The following GLB1L3 variants were observed in gnomAD, a reference collection of about 807,000 sequenced individuals.
GLB1L3 encodes the protein galactosidase beta 1 like 3, also known as beta-galactosidase-1-like protein 3.
A neutral mutation model predicts 89.5 loss-of-function variants in GLB1L3; 89 were observed. That is an observed-to-expected ratio of 0.99 (90% CI 0.84 to 1.19). GLB1L3 has a LOEUF of 1.19. Ranked by LOEUF, GLB1L3 falls within the 50% of genes most tolerant of loss-of-function variation. The probability of loss-of-function intolerance (pLI) is 0.00; values close to 1 mark genes in which losing one functional copy is unlikely to be tolerated. For missense variants in GLB1L3, 812 were observed against 813.3 expected, an observed-to-expected ratio of 1.00 and a Z score of 0.02; for synonymous variants, 314 against 312.3, an observed-to-expected ratio of 1.01 and a Z score of -0.06.
intron 9 of GLB1L3, among the ~76,000 whole-genome samples, chr11:134,296,704 AG>A (rs1008208881): frequency 2.7e-5 from 2 of 73,868 alleles, no homozygotes; most frequent in African/African-American, 1.1e-4. Context: ...GGGTGGGGGG[AG>A]GGGGGAGGGA....
chr11:134,310,121 G>T (rs1591584984), intron 11 of GLB1L3: 3 of 396,392 alleles, frequency 7.6e-6, no homozygotes, highest in South Asian at 6.7e-5. Flanking sequence ...CGTTGAAGGG[G>T]TGTCCACTCT....
intron 2 of GLB1L3, 47 bp downstream of exon 2, chr11:134,277,498 C>A: frequency 6.2e-7 from 1 of 1,600,182 alleles, no homozygotes; most frequent in South Asian, 1.1e-5. Flanking sequence ...AGCGATCTCT[C>A]CTTTCTTGGA....
Position 134,276,752 on chromosome 11 carries a change from GC to G in GLB1L3, c.16del (p.Leu6SerfsTer51). The G allele has an allele frequency of 6.9e-7, 1 of 1,449,312 alleles. No homozygotes were observed. The highest frequency in any genetic ancestry group is 2.5e-5 in the Admixed American group (1 of 40,514). The allele number at this position is 1,449,312 out of a possible 1,614,324, so 89.8% of individuals were successfully genotyped here. A position where few individuals can be genotyped will look rare whatever the true frequency, so the allele number is the denominator to read the frequency against. On this transcript the variant is annotated frameshift_variant, in exon 1 of 20. Coordinates refer to ENST00000431683, the MANE Select transcript of GLB1L3 (RefSeq NM_001080407.3). LOFTEE classifies it high-confidence loss of function. ...TCGGCCTGGCCGCGATGAAGTCCCCGCCCCTCCTCAGGTGACGGATCGCCGC... is the reference window on the plus strand; with the variant it reads ...TCGGCCTGGCCGCGATGAAGTCCCCGCCCTCCTCAGGTGACGGATCGCCGC... MKSP[P>X]LLSPCLSWKR...
At chr11:134,281,295 T>G in intron 3 of GLB1L3, 82 bp from the exon 4 acceptor site, 1 of 1,510,360 alleles carries the variant, frequency 6.6e-7, no homozygotes, top group Non-Finnish European at 9.2e-7. Flanking sequence ...TGCATGGTTT[T>G]GGCTTGGATT....
chr11:134,320,258 G>T (rs1943148698), downstream of GLB1L3, among the ~76,000 whole-genome samples: 1 of 152,138 alleles, frequency 6.6e-6, no homozygotes. Context: ...TTGGAATGAA[G>T]ATAAAGATGT....
At chr11:134,313,728 G>C (rs1020941115) in intron 16 of GLB1L3, among the ~76,000 whole-genome samples, 10 of 152,236 alleles carry the variant, frequency 6.6e-5, no homozygotes, top group African/African-American at 2.4e-4. Context: ...GGAATTTCAG[G>C]AAAAGTTCCA....
chr11:134,298,944 G>A (rs888490213), intron 9 of GLB1L3, among the ~76,000 whole-genome samples: 7 of 152,104 alleles, frequency 4.6e-5, no homozygotes, highest in African/African-American at 9.7e-5. Context: ...CAAATCGCAC[G>A]TACATTAGAC....
chr11:134,304,843 C>A (rs959373356), intron 9 of GLB1L3, among the ~76,000 whole-genome samples: 3 of 152,046 alleles, frequency 2.0e-5, no homozygotes, highest in Non-Finnish European at 4.4e-5. Context: ...CCTCTAATTT[C>A]TTTCCCTGTT....
intron 18 of GLB1L3, 119 bp downstream of exon 18, chr11:134,314,560 T>C: frequency 1.4e-6 from 1 of 711,282 alleles, no homozygotes; most frequent in Admixed American, 2.3e-5. Flanking sequence ...CTCTTCTTCC[T>C]CATCTCCAAC....
At chr11:134,315,337 G>A (rs1942934956) in intron 18 of GLB1L3, among the ~76,000 whole-genome samples, 2 of 152,242 alleles carry the variant, frequency 1.3e-5, no homozygotes, top group South Asian at 4.1e-4. Context: ...TCAGGTTTTG[G>A]TGCCAATGTT....
intron 2 of GLB1L3, 39 bp downstream of exon 2, chr11:134,277,490 C>A (rs748715795): frequency 1.9e-6 from 3 of 1,601,124 alleles, no homozygotes; most frequent in Non-Finnish European, 1.7e-6. Context: ...GGGAGGGGAG[C>A]GATCTCTCCT....
Position 134,281,392 on chromosome 11 carries a change from C to A in GLB1L3, c.378C>A (p.Asn126Lys), listed in dbSNP as rs532518715. ...CCTCTTCTAGCTATGTTCCGTGGAA[C>A]CTGCATGAGCCAGAAAGAGGCAAAT... Reference protein sequence around the residue: ...FNTVTTYVPWNLHEPERGKFD... With the variant: ...FNTVTTYVPWKLHEPERGKFD... Residue 126 changes from asparagine (N) to lysine (K), a missense_variant, in exon 4 of 20, where the codon AAC (asparagine) becomes AAA (lysine). Physicochemically the swap from Asn to Lys is moderately conservative, Grantham distance 94. This residue lies in a region of GLB1L3 where 191 missense variants were observed against 191.4 expected (regional missense o/e 1.00). Coordinates refer to ENST00000431683, the MANE Select transcript of GLB1L3 (RefSeq NM_001080407.3). 2.0e-4 allele frequency: 317 copies of A among 1,614,164 alleles called. 2 individuals carry two copies. In the South Asian group the frequency reaches 2.9e-3, roughly 15 times the overall value.
chr11:134,325,269 G>A, the GLB1L3 span, among the ~76,000 whole-genome samples: 4 of 152,114 alleles, frequency 2.6e-5, no homozygotes, highest in Non-Finnish European at 5.9e-5. Flanking sequence ...TGCAGCATCC[G>A]TGGGGGACCA....
chr11:134,308,422 TCACCATCACCACCACCACCACCATCAC>T (rs1565413664), intron 10 of GLB1L3, among the ~76,000 whole-genome samples: 11 of 36,482 alleles, frequency 3.0e-4, no homozygotes, highest in African/African-American at 4.1e-4. Flanking sequence ...ACCACCATCA[TCACCATCACCACCACCACCACCATCAC>T]CACCACCACC....
chr11:134,308,199 C>CCAT (rs1942318184), intron 10 of GLB1L3, among the ~76,000 whole-genome samples: 1 of 55,966 alleles, frequency 1.8e-5, no homozygotes, highest in African/African-American at 1.0e-4. Flanking sequence ...ATCACCATCA[C>CCAT]CACTACCACC....
chr11:134,299,589 T>G (rs990733615), intron 9 of GLB1L3, among the ~76,000 whole-genome samples: 1 of 152,206 alleles, frequency 6.6e-6, no homozygotes, highest in Non-Finnish European at 1.5e-5. Context: ...TGGCAGAGGT[T>G]GTTTTCTCTG....
In GLB1L3 at chr11:134,314,446, G is replaced by A. The variant is rs1192037531; in HGVS notation, c.1779+5G>A. 1 of 1,526,726 alleles carries A rather than the reference G, an allele frequency of 6.5e-7. No individual in the cohort carries two copies. Among genetic ancestry groups the A allele is most frequent in the Non-Finnish European group, 8.9e-7 (1 of 1,124,400 alleles). The allele number at this position is 1,526,726 out of a possible 1,614,324, so 94.6% of individuals were successfully genotyped here. A position where few individuals can be genotyped will look rare whatever the true frequency, so the allele number is the denominator to read the frequency against. On this transcript the variant is annotated splice_donor_5th_base_variant and intron_variant, in intron 18 of 19. Coordinates refer to ENST00000431683, the MANE Select transcript of GLB1L3 (RefSeq NM_001080407.3). ...GACACCTTCCTGAGCCTGCTGGTAG[G>A]TGATGCCCTCTGCTGCCCTGGTGTT...
In GLB1L3 at chr11:134,276,747, T is replaced by C. The variant is rs1591525367; in HGVS notation, c.7T>C (p.Ser3Pro). MK[S>P]PPLLSPCLSW... is the part of the protein sequence containing the mutation. The stretch of plus-strand genomic sequence containing the variant: ...GCGCCTCGGCCTGGCCGCGATGAAG[T>C]CCCCGCCCCTCCTCAGGTGACGGAT... Residue 3 changes from serine (S) to proline (P), a missense_variant, in exon 1 of 20, where the codon TCC becomes CCC. This residue lies in a region of GLB1L3 where 191 missense variants were observed against 191.4 expected (regional missense o/e 1.00). Coordinates refer to ENST00000431683, the MANE Select transcript of GLB1L3 (RefSeq NM_001080407.3). 1 of 1,448,978 alleles carries C rather than the reference T, an allele frequency of 6.9e-7. No individual in the cohort carries two copies. The highest frequency in any genetic ancestry group is 9.1e-7 in the Non-Finnish European group (1 of 1,102,638). 89.8% of individuals were successfully genotyped at this position (1,448,978 alleles called of 1,614,324 possible). A position where few individuals can be genotyped will look rare whatever the true frequency, so the allele number is the denominator to read the frequency against.
intron 9 of GLB1L3, among the ~76,000 whole-genome samples, chr11:134,296,536 T>A (rs1216080334): frequency 1.3e-4 from 18 of 143,958 alleles, no homozygotes; most frequent in Admixed American, 1.2e-3. Flanking sequence ...GTTCATGTCC[T>A]TTGTAGGGAC....
Sources: allele counts gnomAD v4.1 joint callset (sites outside exome capture counted in the v4.1 genomes callset), GRCh38; gene constraint gnomAD v4.1.1; regional missense constraint gnomAD v4.1.1; transcripts MANE v1.5; gene names NCBI Gene and HGNC (gene_info 2026-07-23, HGNC 2026-07-21).